The following ATP10D variants were observed in gnomAD, a reference collection of about 807,000 sequenced individuals.
ATP10D encodes the protein phospholipid-transporting ATPase VD.
A neutral mutation model predicts 144.8 loss-of-function variants in ATP10D; 89 were observed. The observed-to-expected ratio is 0.61, with a 90% CI of 0.52 to 0.73. The LOEUF is 0.73. Ranked by LOEUF, ATP10D falls within the 30% of genes least tolerant of loss-of-function variation. ATP10D has a pLI of 0.00. For synonymous variants in ATP10D, 571 were observed against 615.1 expected, an observed-to-expected ratio of 0.93 and a Z score of 1.06; for missense variants, 1,603 against 1,714.8, an observed-to-expected ratio of 0.93 and a Z score of 1.15.
intron 1 of ATP10D, among the ~76,000 whole-genome samples, chr4:47,500,659 G>A (rs534916743): frequency 6.6e-6 from 1 of 152,298 alleles, no homozygotes; most frequent in Admixed American, 6.5e-5. Flanking sequence ...AGGGGAGAGT[G>A]CTTGGACCTC....
intron 22 of ATP10D, among the ~76,000 whole-genome samples, chr4:47,589,595 C>T (rs538359654): frequency 1.8e-4 from 28 of 152,170 alleles, no homozygotes; most frequent in Non-Finnish European, 3.7e-4. Context: ...ACAGTAATGC[C>T]ATTAGCAAAT....
chr4:47,508,815 C>T (rs1231640967), intron 1 of ATP10D, among the ~76,000 whole-genome samples: 4 of 152,216 alleles, frequency 2.6e-5, no homozygotes, highest in African/African-American at 7.2e-5. Flanking sequence ...AAACCATGTG[C>T]TTGCCGACAC....
chr4:47,573,132 G>A, intron 18 of ATP10D, 135 bp downstream of exon 18: 1 of 1,123,062 alleles, frequency 8.9e-7, no homozygotes, highest in Non-Finnish European at 1.3e-6. Context: ...GACTGGTCTT[G>A]CTGTCTTTCC....
At chr4:47,577,953 G>A (rs1422252732) in intron 19 of ATP10D, among the ~76,000 whole-genome samples, 1 of 152,324 alleles carries the variant, frequency 6.6e-6, no homozygotes, top group South Asian at 2.1e-4. Flanking sequence ...GGAGGGTTGA[G>A]GGAGATTTTC....
intron 9 of ATP10D, among the ~76,000 whole-genome samples, chr4:47,538,772 A>G (rs1263790602): frequency 1.3e-5 from 2 of 152,198 alleles, no homozygotes; most frequent in African/African-American, 4.8e-5. Context: ...CGCAGCTCCA[A>G]GAGGTTGCTT....
rs1308381593 is a variant in ATP10D at position 47,561,063 on chromosome 4, C to T, written c.2656C>T (p.Leu886Phe). 1.2e-6 allele frequency: 2 copies of T among 1,614,176 alleles called. No homozygotes were observed. The highest frequency in any genetic ancestry group is 1.7e-5 in the Admixed American group (1 of 60,026). ...LESAMRLENK[L>F]TLLGATGIED... ...ATCTGCCATGAGGTTGGAGAACAAA[C>T]TTACATTACTTGGTAGGTGAATTAT... The change falls in exon 14 of 23, where the codon CTT (leucine) becomes TTT (phenylalanine). Residue 886 changes from leucine (L) to phenylalanine (F), a missense_variant. By Grantham distance (22) the Leu-to-Phe change is conservative. Coordinates refer to ENST00000273859, the MANE Select transcript of ATP10D (RefSeq NM_020453.4).
rs772575410 is a variant in ATP10D, at chr4:47,580,478, T to G, written c.3648T>G (p.Phe1216Leu). 1.2e-6 allele frequency: 2 copies of G among 1,607,350 alleles called. No homozygotes were observed. The highest frequency in any genetic ancestry group is 1.7e-6 in the Non-Finnish European group (2 of 1,173,896). The change falls in exon 20 of 23, where the codon TTT becomes TTG. Residue 1216 changes from phenylalanine to leucine, a missense_variant and splice_region_variant. Physicochemically the swap from Phe to Leu is conservative, Grantham distance 22 (BLOSUM62 0). Coordinates refer to ENST00000273859, the MANE Select transcript of ATP10D (RefSeq NM_020453.4). ...TGGTCTGCTTCTTTGTGCCTTATTT[T>G]GTGAGTCTTTGTTCACTCAGTATAT... ...QSLVCFFVPY[F>L]TYQGSDTDIF...
chr4:47,518,189 T>C (rs1716778818), intron 3 of ATP10D, among the ~76,000 whole-genome samples: 1 of 152,206 alleles, frequency 6.6e-6, no homozygotes, highest in African/African-American at 2.4e-5. Context: ...TAGCAAGTTT[T>C]TGGAAGAAGC....
chr4:47,576,928 C>A lies in ATP10D; in HGVS notation c.3522C>A (p.Thr1174=), dbSNP rs1370743398. 3 of 1,614,042 alleles carry A rather than the reference C, an allele frequency of 1.9e-6. No individual in the cohort carries two copies. The highest frequency in any genetic ancestry group is 2.5e-6 in the Non-Finnish European group (3 of 1,180,040). The part of the protein sequence containing the change: ...GVLEKDVSAE[T]LMQLPELYRS... Reference sequence around the variant, plus strand: ...TGGAGAAAGATGTGTCTGCAGAGACCCTCATGCAACTGCCTGAACTTTACA... The same window carrying A: ...TGGAGAAAGATGTGTCTGCAGAGACACTCATGCAACTGCCTGAACTTTACA... The change falls in exon 19 of 23, where the codon ACC becomes ACA. Residue 1174 remains threonine (T), a synonymous_variant. Coordinates refer to ENST00000273859, the MANE Select transcript of ATP10D (RefSeq NM_020453.4).
rs1054702894 is a variant in ATP10D at position 47,585,260 on chromosome 4, C to CA, written c.3754-1749dup. Among the ~76,000 whole-genome samples, 334 of 142,250 alleles carry CA rather than the reference C, an allele frequency of 2.3e-3. 2 individuals are homozygous for CA. Among genetic ancestry groups the CA allele is most frequent in the African/African-American group, 6.4e-3 (251 of 39,130 alleles). 93.3% of individuals were successfully genotyped at this position (142,250 alleles called of 152,430 possible). On this transcript the variant is annotated intron_variant, in intron 21 of 22. Transcript: ENST00000273859. ...AATATTAATATTATGAAGTTGGTGC[C>CA]AAAAAAAAAACGCAATTATTTTTGC...
intron 5 of ATP10D, among the ~76,000 whole-genome samples, chr4:47,533,534 A>G (rs1449045600): frequency 6.6e-6 from 1 of 152,122 alleles, no homozygotes; most frequent in Admixed American, 6.6e-5. Context: ...TTATATTAAC[A>G]ACTTTTATAT....
intron 18 of ATP10D, among the ~76,000 whole-genome samples, chr4:47,573,810 A>T (rs758405006): frequency 4.6e-5 from 7 of 152,150 alleles, no homozygotes; most frequent in Non-Finnish European, 7.3e-5. Context: ...TTAGGGGAAA[A>T]AAAGCCATTT....
intron 3 of ATP10D, among the ~76,000 whole-genome samples, chr4:47,516,771 AC>A (rs1716710650): frequency 1.3e-5 from 2 of 152,086 alleles, no homozygotes; most frequent in Non-Finnish European, 2.9e-5. Flanking sequence ...TTTCTCTTAT[AC>A]TCATGTCCAG....
intron 1 of ATP10D, among the ~76,000 whole-genome samples, chr4:47,490,019 C>T (rs1486058949): frequency 6.6e-6 from 1 of 152,078 alleles, no homozygotes; most frequent in South Asian, 2.1e-4. Context: ...CTAGGTAATA[C>T]AAATCATAAT....
intron 9 of ATP10D, among the ~76,000 whole-genome samples, chr4:47,542,056 T>C (rs1268980071): frequency 1.4e-5 from 2 of 145,682 alleles, no homozygotes; most frequent in East Asian, 2.1e-4. Flanking sequence ...TCATAACGAT[T>C]TGGATAAGTT....
At chr4:47,547,466 G>A (rs1414719659) in intron 10 of ATP10D, 1 of 152,194 alleles carries the variant, frequency 6.6e-6, no homozygotes, top group African/African-American at 2.4e-5. Flanking sequence ...AAAACTAGAG[G>A]ACCATGTAGA....
chr4:47,569,902 T>C (rs1719862412), intron 16 of ATP10D, among the ~76,000 whole-genome samples: 1 of 152,142 alleles, frequency 6.6e-6, no homozygotes, highest in South Asian at 2.1e-4. Context: ...GGAACCGTGT[T>C]TGGTGTGTCG....
intron 3 of ATP10D, among the ~76,000 whole-genome samples, chr4:47,521,653 A>G (rs1577640638): frequency 6.6e-6 from 1 of 152,162 alleles, no homozygotes; most frequent in South Asian, 2.1e-4. Flanking sequence ...TATGGAATGA[A>G]ATTCCTACTC....
intron 19 of ATP10D, among the ~76,000 whole-genome samples, chr4:47,579,585 G>T (rs1341328974): frequency 6.6e-6 from 1 of 152,182 alleles, no homozygotes; most frequent in Non-Finnish European, 1.5e-5. Context: ...AAGAATTCCT[G>T]GCAGAGAGAC....
Sources: gnomAD v4.1 joint callset for allele counts (sites outside exome capture counted in the v4.1 genomes callset) on GRCh38, gnomAD v4.1.1 for gene constraint, MANE v1.5 for transcripts, NCBI Gene and HGNC (gene_info 2026-07-23, HGNC 2026-07-21) for gene names.